PCDH15: variants seen among roughly 807,000 people sequenced by gnomAD.
The protein encoded by PCDH15 is protocadherin-15.
PCDH15 carries 129 observed loss-of-function variants against 178.5 expected under a neutral mutation model. The observed-to-expected ratio is 0.72, with a 90% CI of 0.63 to 0.84. PCDH15 has a LOEUF of 0.84. Among genes scored for constraint, PCDH15 ranks in the 40% least tolerant of loss-of-function variants. The pLI is 0.00. For missense variants in PCDH15, 2,230 were observed against 2,099.9 expected (o/e 1.06, Z -1.21); for synonymous variants, 800 against 732.0 (o/e 1.09, Z -1.50).
chr10:55,593,647 A>G lies in PCDH15; in HGVS notation c.-156+33978T>C, dbSNP rs1022594602. Among the ~76,000 whole-genome samples, 7 of 151,860 alleles carry G rather than the reference A, an allele frequency of 4.6e-5. No homozygotes were observed. In the South Asian group the frequency reaches 1.4e-3, roughly 31 times the overall value. On this transcript the variant is annotated intron_variant, in intron 2 of 5. Transcript: ENST00000613346. ...AATTACTGTTTTAGCTTTTTTTTTA[A>G]CAGTATAGAAGTATTGTGTGATGAC...
intron 1 of PCDH15, among the ~76,000 whole-genome samples, chr10:54,766,210 T>G (rs56140035): frequency 6.6e-6 from 1 of 151,900 alleles, no homozygotes; most frequent in East Asian, 1.9e-4. Flanking sequence ...ATAGAACTTA[T>G]GAAAGAGAAA....
At chr10:54,906,193 T>C (rs999258300) in intron 2 of PCDH15, among the ~76,000 whole-genome samples, 1 of 152,082 alleles carries the variant, frequency 6.6e-6, no homozygotes, top group Non-Finnish European at 1.5e-5. Flanking sequence ...AATTTGTAAA[T>C]TGATACTTCC....
intron 2 of PCDH15, among the ~76,000 whole-genome samples, chr10:55,330,661 A>T (rs1031003866): frequency 7.9e-5 from 12 of 152,048 alleles, no homozygotes; most frequent in African/African-American, 2.9e-4. Context: ...CCATGTAGAT[A>T]CTTTAGAAAA....
intron 2 of PCDH15, among the ~76,000 whole-genome samples, chr10:54,540,593 G>C (rs1442525104): frequency 6.6e-6 from 1 of 152,010 alleles, no homozygotes; most frequent in African/African-American, 2.4e-5. Flanking sequence ...AGAAGAGCTG[G>C]TACCAAATCT....
At chr10:55,570,429 T>C (rs1842386879) in intron 2 of PCDH15, among the ~76,000 whole-genome samples, 1 of 151,986 alleles carries the variant, frequency 6.6e-6, no homozygotes. Flanking sequence ...AATTTATTAC[T>C]AAAATATTCA....
chr10:53,919,702 A>C (rs1018960890), intron 25 of PCDH15, among the ~76,000 whole-genome samples: 1 of 152,136 alleles, frequency 6.6e-6, no homozygotes, highest in Admixed American at 6.6e-5. Context: ...TTTTTTAAAA[A>C]CCTGAAGTAA....
chr10:55,550,638 T>G (rs80332596), intron 2 of PCDH15, among the ~76,000 whole-genome samples: 2,476 of 152,244 alleles, frequency 0.016, 79 homozygotes, highest in African/African-American at 0.057. Context: ...TTTTGCTCTA[T>G]TATTTAAATT....
intron 27 of PCDH15, among the ~76,000 whole-genome samples, chr10:53,864,113 A>C (rs1039204831): frequency 6.6e-6 from 1 of 152,162 alleles, no homozygotes; most frequent in African/African-American, 2.4e-5. Flanking sequence ...TTAGTCATTA[A>C]TTTAAATTGA....
chr10:55,192,343 A>C (rs1839965451), intron 1 of PCDH15, among the ~76,000 whole-genome samples: 1 of 152,042 alleles, frequency 6.6e-6, no homozygotes, highest in East Asian at 1.9e-4. Flanking sequence ...GCAGGAAAAA[A>C]AATAAAATGG....
At chr10:54,394,321 T>A (rs1195481713) in intron 3 of PCDH15, among the ~76,000 whole-genome samples, 1 of 151,344 alleles carries the variant, frequency 6.6e-6, no homozygotes, top group Non-Finnish European at 1.5e-5. Context: ...TGTAGGTTCT[T>A]TTCTGTTTTT....
chr10:54,696,041 T>C (rs930050882), intron 1 of PCDH15, among the ~76,000 whole-genome samples: 1 of 152,042 alleles, frequency 6.6e-6, no homozygotes, highest in Non-Finnish European at 1.5e-5. Flanking sequence ...CAAGTTTTAT[T>C]ATTTAAGAAA....
At chr10:55,306,932 A>C (rs1452665630) in intron 1 of PCDH15, among the ~76,000 whole-genome samples, 1 of 131,758 alleles carries the variant, frequency 7.6e-6, no homozygotes, top group Admixed American at 7.4e-5. Context: ...TAGATCTTTG[A>C]ATACCTGATA....
intron 2 of PCDH15, among the ~76,000 whole-genome samples, chr10:55,408,767 T>C (rs1322598928): frequency 6.6e-6 from 1 of 152,070 alleles, no homozygotes; most frequent in East Asian, 1.9e-4. Flanking sequence ...TCGTCTAGTC[T>C]CATTCCCTCT....
intron 13 of PCDH15, among the ~76,000 whole-genome samples, chr10:54,157,531 T>C (rs2045284893): frequency 6.6e-6 from 1 of 152,150 alleles, no homozygotes; most frequent in Non-Finnish European, 1.5e-5. Context: ...AAACAATTTT[T>C]TCCTCATAGG....
At chr10:54,959,302 T>G (rs188179800) in intron 2 of PCDH15, among the ~76,000 whole-genome samples, 8 of 152,094 alleles carry the variant, frequency 5.3e-5, no homozygotes, top group Admixed American at 5.2e-4. Flanking sequence ...AGACCTGTAT[T>G]ACTTTCCCAG....
chr10:54,598,865 C>T (rs1207398816), intron 2 of PCDH15, among the ~76,000 whole-genome samples: 1 of 151,990 alleles, frequency 6.6e-6, no homozygotes, highest in Non-Finnish European at 1.5e-5. Flanking sequence ...GAATACAATC[C>T]CATTCACAAT....
At chr10:54,553,905 C>G (rs2086882304) in intron 2 of PCDH15, among the ~76,000 whole-genome samples, 2 of 152,166 alleles carry the variant, frequency 1.3e-5, no homozygotes, top group African/African-American at 4.8e-5. Context: ...TTGAATCACA[C>G]TAAGTGTATG....
In PCDH15 at chr10:54,346,473, A is replaced by T; in HGVS notation, c.486T>A (p.Val162=). The T allele has an allele frequency of 1.9e-6, 3 of 1,613,866 alleles. No individual in the cohort carries two copies. The highest frequency in any genetic ancestry group is 2.5e-6 in the Non-Finnish European group (3 of 1,179,960). ...YYATVNELTP[V]GTTIFTGFSG... ...AAAATCCTGTGAATATTGTGGTACC[A>T]ACTGGAGTGAGCTGAAAGGAAAAAA... Residue 162 remains valine, a synonymous_variant, in exon 6 of 38, where the codon GTT becomes GTA. Coordinates refer to ENST00000644397, the MANE Select transcript of PCDH15 (RefSeq NM_001384140.1).
chr10:55,048,418 C>T (rs1264184993), intron 2 of PCDH15, among the ~76,000 whole-genome samples: 2 of 151,542 alleles, frequency 1.3e-5, no homozygotes. Flanking sequence ...AAGAACAGCA[C>T]AAAAAAATAG....
Sources: gnomAD v4.1 joint callset for allele counts (sites outside exome capture counted in the v4.1 genomes callset) on GRCh38, gnomAD v4.1.1 for gene constraint, MANE v1.5 for transcripts, NCBI Gene and HGNC (gene_info 2026-07-23, HGNC 2026-07-21) for gene names.